PRTFDC1: variants seen among roughly 807,000 people sequenced by gnomAD.
PRTFDC1 encodes the protein phosphoribosyl transferase domain containing 1.
Under a neutral mutation model 34.6 loss-of-function variants are expected in PRTFDC1, and 38 were observed. The observed-to-expected ratio is 1.10, with a 90% confidence interval of 0.85 to 1.44. The LOEUF is 1.44. Ranked by LOEUF, PRTFDC1 falls within the 40% of genes most tolerant of loss-of-function variation. PRTFDC1 has a pLI of 0.00. For synonymous variants in PRTFDC1, 93 were observed against 98.1 expected, an observed-to-expected ratio of 0.95 and a Z score of 0.31; for missense variants, 270 against 283.0, an observed-to-expected ratio of 0.95 and a Z score of 0.33.
At chr10:24,851,853 C>T (rs1019937243) in intron 7 of PRTFDC1, among the ~76,000 whole-genome samples, 15 of 151,484 alleles carry the variant, frequency 9.9e-5, no homozygotes, top group Non-Finnish European at 1.8e-4. Context: ...AAAGTTCAAG[C>T]AGAAGGCGTT....
In PRTFDC1 at chr10:24,905,227, T is replaced by G. The variant is rs773798711; in HGVS notation, c.339+31957A>C. 1.4e-3 allele frequency among the ~76,000 whole-genome samples: 218 copies of G among 151,924 alleles called. 1 individual carries two copies. The highest frequency in any genetic ancestry group is 2.1e-3 in the Non-Finnish European group (143 of 67,972). ...ACTTAGGAGTCAGAGGTGGGCGGAT[T>G]GCTTGAGCCTGGGAGATTGAGACTA... On this transcript the variant is annotated intron_variant, in intron 3 of 8. Transcript: ENST00000320152.
chr10:24,937,508 T>G, intron 2 of PRTFDC1, 141 bp from the exon 3 acceptor site: 2 of 663,724 alleles, frequency 3.0e-6, no homozygotes, highest in East Asian at 3.0e-5. Context: ...AACCCACCGA[T>G]AGAAAAGCTT....
chr10:24,920,561 A>G (rs1379957233), intron 3 of PRTFDC1, among the ~76,000 whole-genome samples: 2 of 146,018 alleles, frequency 1.4e-5, no homozygotes, highest in Non-Finnish European at 3.0e-5. Flanking sequence ...CAGCATCAGG[A>G]TAAATAGCTA....
chr10:24,853,216 G>A (rs578167911), intron 7 of PRTFDC1, among the ~76,000 whole-genome samples: 1 of 152,104 alleles, frequency 6.6e-6, no homozygotes, highest in Admixed American at 6.5e-5. Flanking sequence ...AGCCGGGTGC[G>A]CACCTGCAGT....
chr10:24,912,177 G>A (rs572849074), intron 3 of PRTFDC1, among the ~76,000 whole-genome samples: 2 of 137,206 alleles, frequency 1.5e-5, no homozygotes, highest in African/African-American at 2.6e-5. Context: ...GCTGAGGCAG[G>A]AGAATTGCTT....
intron 3 of PRTFDC1, among the ~76,000 whole-genome samples, chr10:24,897,571 A>G (rs1588600340): frequency 6.6e-6 from 1 of 152,310 alleles, no homozygotes; most frequent in South Asian, 2.1e-4. Flanking sequence ...GGGGAGTGAT[A>G]AGAGTGTCCC....
intron 2 of PRTFDC1, among the ~76,000 whole-genome samples, chr10:24,939,793 CAAAAAAA>C (rs55974992): frequency 5.6e-5 from 4 of 71,540 alleles, no homozygotes; most frequent in African/African-American, 2.2e-4. Flanking sequence ...GACTCTATCT[CAAAAAAA>C]AAAAAAAAAA....
intron 4 of PRTFDC1, among the ~76,000 whole-genome samples, chr10:24,864,336 G>A (rs534082436): frequency 4.5e-4 from 68 of 152,274 alleles, no homozygotes; most frequent in Non-Finnish European, 4.3e-4. Flanking sequence ...GTTCTACTGT[G>A]GGTAAAATGC....
intron 4 of PRTFDC1, chr10:24,867,540 G>A (rs1219805782): frequency 6.6e-6 from 1 of 151,844 alleles, no homozygotes; most frequent in Non-Finnish European, 1.5e-5. Flanking sequence ...ATCAAACCCC[G>A]TGTTTTCATT....
At chr10:24,902,320 A>G (rs1246337467) in intron 3 of PRTFDC1, among the ~76,000 whole-genome samples, 2 of 152,150 alleles carry the variant, frequency 1.3e-5, no homozygotes, top group African/African-American at 4.8e-5. Flanking sequence ...ACGGATGCCA[A>G]TGACTCACTA....
At chr10:24,950,598 T>C (rs959461384) in intron 1 of PRTFDC1, among the ~76,000 whole-genome samples, 1 of 152,170 alleles carries the variant, frequency 6.6e-6, no homozygotes, top group Non-Finnish European at 1.5e-5. Flanking sequence ...TCCGACTTGC[T>C]GTCCCTGTAA....
chr10:24,926,977 G>A (rs1848885858), intron 3 of PRTFDC1, among the ~76,000 whole-genome samples: 1 of 152,162 alleles, frequency 6.6e-6, no homozygotes, highest in South Asian at 2.1e-4. Context: ...AAGAATGTAT[G>A]TCAAGAAAAT....
chr10:24,942,549 G>A, intron 1 of PRTFDC1, 113 bp from the exon 2 acceptor site: 2 of 836,032 alleles, frequency 2.4e-6, no homozygotes, highest in East Asian at 2.5e-5. Flanking sequence ...AAAGTTTAGT[G>A]GAACAAGGTT....
chr10:24,863,959 G>A (rs1313248877), intron 4 of PRTFDC1, among the ~76,000 whole-genome samples: 1 of 148,786 alleles, frequency 6.7e-6, no homozygotes, highest in Non-Finnish European at 1.5e-5. Flanking sequence ...GGTAGAGGCT[G>A]TGGTGAGCCA....
At chr10:24,882,121 C>T (rs1213775894) in intron 3 of PRTFDC1, among the ~76,000 whole-genome samples, 3 of 146,660 alleles carry the variant, frequency 2.0e-5, no homozygotes, top group Non-Finnish European at 3.0e-5. Flanking sequence ...GCAGGAGAAT[C>T]GCTTGAATCC....
At chr10:24,940,168 T>C (rs1250260653) in intron 2 of PRTFDC1, among the ~76,000 whole-genome samples, 1 of 152,206 alleles carries the variant, frequency 6.6e-6, no homozygotes, top group Non-Finnish European at 1.5e-5. Context: ...AGTAAGCATA[T>C]AGTTGAACTG....
intron 4 of PRTFDC1, among the ~76,000 whole-genome samples, chr10:24,861,272 G>A (rs973144635): frequency 1.3e-5 from 2 of 152,122 alleles, no homozygotes; most frequent in Non-Finnish European, 2.9e-5. Flanking sequence ...AGGCTGAGGC[G>A]GGCAAATCAC....
chr10:24,865,115 CAACAA>C (rs1222894966), intron 4 of PRTFDC1, among the ~76,000 whole-genome samples: 2 of 151,970 alleles, frequency 1.3e-5, no homozygotes, highest in East Asian at 1.9e-4. Flanking sequence ...GACTCTGTCT[CAACAA>C]AACAAAACAA....
intron 3 of PRTFDC1, among the ~76,000 whole-genome samples, chr10:24,929,180 C>G (rs956745315): frequency 3.9e-5 from 6 of 152,102 alleles, no homozygotes; most frequent in Admixed American, 3.3e-4. Context: ...GACACTGAAC[C>G]TGGCTTATCC....
Sources: gnomAD v4.1 joint callset for allele counts (sites outside exome capture counted in the v4.1 genomes callset) on GRCh38, gnomAD v4.1.1 for gene constraint, MANE v1.5 for transcripts, NCBI Gene and HGNC (gene_info 2026-07-23, HGNC 2026-07-21) for gene names.